Variants in MKNK1 observed in about 807,000 individuals in gnomAD.
MKNK1 encodes MAP kinase-interacting serine/threonine-protein kinase 1.
In MKNK1, 30 loss-of-function variants were observed where a neutral mutation model predicts 49.3. The ratio of observed to expected loss-of-function variants is 0.61; its 90% CI spans 0.46 to 0.83. MKNK1 has a LOEUF of 0.83. Among genes scored for constraint, MKNK1 ranks in the 40% least tolerant of loss-of-function variants. The probability of loss-of-function intolerance (pLI) is 0.00; values close to 1 mark genes in which losing one functional copy is unlikely to be tolerated. For synonymous variants in MKNK1, 176 were observed against 201.7 expected, an observed-to-expected ratio of 0.87 and a Z score of 1.08; for missense variants, 423 against 524.7, an observed-to-expected ratio of 0.81 and a Z score of 1.89.
intron 2 of MKNK1, among the ~76,000 whole-genome samples, chr1:46,587,264 G>T (rs534390366): frequency 6.6e-6 from 1 of 152,314 alleles, no homozygotes; most frequent in South Asian, 2.1e-4. Flanking sequence ...TCCAGCCCTT[G>T]CCTTCCTCTT....
intron 3 of MKNK1, among the ~76,000 whole-genome samples, chr1:46,582,323 C>A (rs771165911): frequency 6.6e-6 from 1 of 152,186 alleles, no homozygotes; most frequent in South Asian, 2.1e-4. Context: ...GCAGATGGCA[C>A]ACTGTTATTC....
chr1:46,568,370 A>C (rs1209240841), intron 8 of MKNK1, 73 bp downstream of exon 8: 1 of 1,460,080 alleles, frequency 6.8e-7, no homozygotes, highest in African/African-American at 1.4e-5. Flanking sequence ...AACTGCTAAC[A>C]ATCCATCCTG....
intron 1 of MKNK1, among the ~76,000 whole-genome samples, chr1:46,598,210 T>G (rs1674318850): frequency 6.6e-6 from 1 of 152,206 alleles, no homozygotes; most frequent in Admixed American, 6.5e-5. Context: ...TATTGTACTT[T>G]TGGCAAGTGA....
intron 8 of MKNK1, among the ~76,000 whole-genome samples, chr1:46,567,745 G>A (rs974346005): frequency 6.6e-6 from 1 of 152,306 alleles, no homozygotes; most frequent in East Asian, 1.9e-4. Flanking sequence ...AACACCACCA[G>A]TGCCTAAATC....
At position 46,562,805 on chromosome 1, in the gene MKNK1, C is replaced by T; in HGVS notation, c.648G>A (p.Glu216=). ...AGAATGTGGCCTGGTCCGTGAAGACCTCCACTACCTCAGGGGCCATGTATT... is the reference window on the plus strand; with the variant it reads ...AGAATGTGGCCTGGTCCGTGAAGACTTCCACTACCTCAGGGGCCATGTATT... The part of the protein sequence containing the change: ...SAEYMAPEVV[E]VFTDQATFYD... The change falls in exon 10 of 13, where the codon GAG becomes GAA. Residue 216 remains glutamate, a synonymous_variant. Coordinates refer to ENST00000371945, the MANE Select transcript of MKNK1 (RefSeq NM_001135553.4). The T allele has an allele frequency of 6.2e-7, 1 of 1,612,908 alleles. No individual in the cohort carries two copies. The highest frequency in any genetic ancestry group is 1.7e-5 in the Admixed American group (1 of 59,832).
Position 46,558,768 on chromosome 1 carries a change from G to A in MKNK1, c.1046C>T (p.Ala349Val). ...GCGGTTAAGGGCGATGGCCTCAGCT[G>A]CGAAGAGCGTCAGGTCCATTGTGCT... ...NSSTMDLTLF[A>V]AEAIALNRQL... Residue 349 changes from alanine (A) to valine (V), a missense_variant, in exon 13 of 13, where the codon GCA (alanine) becomes GTA (valine). By Grantham distance (64) the Ala-to-Val change is moderately conservative. Transcript: ENST00000371945. The A allele has an allele frequency of 6.2e-7, 1 of 1,614,144 alleles. No homozygotes were observed. Among genetic ancestry groups the A allele is most frequent in the Non-Finnish European group, 8.5e-7 (1 of 1,180,014 alleles).
At chr1:46,576,743 ACT>A in intron 4 of MKNK1, 89 bp from the exon 5 acceptor site, 2 of 1,078,838 alleles carry the variant, frequency 1.9e-6, no homozygotes, top group South Asian at 2.5e-5. Flanking sequence ...GCAAGGCCAC[ACT>A]CAGTCCAAAT....
chr1:46,563,169 AG>A (rs1668352389), intron 9 of MKNK1: 1 of 256,948 alleles, frequency 3.9e-6, no homozygotes, highest in Non-Finnish European at 7.3e-6. Flanking sequence ...TTTCATGTAC[AG>A]GTACTTAAAT....
At position 46,558,610 on chromosome 1, in the gene MKNK1, G is replaced by A. The variant is rs755714019; in HGVS notation, c.1204C>T (p.Arg402Cys). 4.3e-6 allele frequency: 7 copies of A among 1,613,566 alleles called. No individual in the cohort carries two copies. The highest frequency in any genetic ancestry group is 1.7e-4 in the Middle Eastern group (1 of 6,052). ...ARRRALAQAG[R>C]GEDRSPPTAL is the part of the protein sequence containing the mutation. ...GTGGGCGGGCTCCTGTCTTCACCAC[G>A]GCCTGCCTGGGCCAGGGCCCGTCTC... The change falls in exon 13 of 13, where the codon CGT (arginine) becomes TGT (cysteine). Residue 402 changes from arginine (R) to cysteine (C), a missense_variant. Arg to Cys is a radical substitution (Grantham distance 180). Coordinates refer to ENST00000371945, the MANE Select transcript of MKNK1 (RefSeq NM_001135553.4).
chr1:46,601,612 G>A (rs886803076), intron 1 of MKNK1, among the ~76,000 whole-genome samples: 1 of 152,226 alleles, frequency 6.6e-6, no homozygotes, highest in Non-Finnish European at 1.5e-5. Flanking sequence ...TGCTTGTGCA[G>A]AATTCTTGTA....
intron 7 of MKNK1, chr1:46,571,673 A>G: frequency 2.9e-6 from 1 of 342,370 alleles, no homozygotes; most frequent in Non-Finnish European, 5.7e-6. Flanking sequence ...GACTAGAAGG[A>G]ATAACATCAA....
Position 46,557,954 on chromosome 1 carries a change from G to A in MKNK1, c.*621C>T, listed in dbSNP as rs1402179658. ...CACAAACAAAGGGGATGATAAACGA[G>A]GGATACATTTCAGTCACAGCAAAGA... On this transcript the variant is annotated 3_prime_UTR_variant, in exon 13 of 13. Coordinates refer to ENST00000371945, the MANE Select transcript of MKNK1 (RefSeq NM_001135553.4). 6.6e-6 allele frequency: 1 copy of A among 152,570 alleles called. No individual in the cohort carries two copies. Among genetic ancestry groups the A allele is most frequent in the East Asian group, 1.9e-4 (1 of 5,204 alleles). 9.5% of individuals were successfully genotyped at this position (152,570 alleles called of 1,614,324 possible).
chr1:46,582,220 C>T (rs1019062487), intron 3 of MKNK1, among the ~76,000 whole-genome samples: 6 of 152,276 alleles, frequency 3.9e-5, no homozygotes, highest in East Asian at 1.9e-4. Context: ...CAGACACACA[C>T]CCCTGCTGTT....
intron 7 of MKNK1, chr1:46,570,258 C>T (rs1031445987): frequency 2.6e-5 from 4 of 152,218 alleles, no homozygotes; most frequent in African/African-American, 9.7e-5. Flanking sequence ...CCACCCCCTC[C>T]AAGGTGTGGA....
chr1:46,572,052 G>C lies in MKNK1; in HGVS notation c.457+11C>G. On this transcript the variant is annotated intron_variant, in intron 7 of 12. Transcript: ENST00000371945. Reference sequence around the variant, plus strand: ...GCCCAACCCACCCACCAAGGCAAAGGCTGGGTTCACCTTTGGTATGCAGGA... The same window carrying C: ...GCCCAACCCACCCACCAAGGCAAAGCCTGGGTTCACCTTTGGTATGCAGGA... 6.8e-6 allele frequency: 11 copies of C among 1,613,312 alleles called. No individual in the cohort carries two copies. Among genetic ancestry groups the C allele is most frequent in the Non-Finnish European group, 9.3e-6 (11 of 1,179,358 alleles).
At position 46,558,742 on chromosome 1, in the gene MKNK1, G is replaced by T. The variant is rs746020815; in HGVS notation, c.1072C>A (p.Gln358Lys). The T allele has an allele frequency of 1.2e-6, 2 of 1,614,240 alleles. No homozygotes were observed. The highest frequency in any genetic ancestry group is 2.2e-5 in the East Asian group (1 of 44,892). The part of the protein sequence containing the change: ...FAAEAIALNR[Q>K]LSQHEENELA... ...TCGTTCTCTTCGTGCTGAGATAGCT[G>T]GCGGTTAAGGGCGATGGCCTCAGCT... The change falls in exon 13 of 13, where the codon CAG becomes AAG. Residue 358 changes from glutamine to lysine, a missense_variant. By Grantham distance (53) the Gln-to-Lys change is moderately conservative (BLOSUM62 1). Transcript: ENST00000371945.
chr1:46,559,323 C>T (rs1667518007), intron 12 of MKNK1, among the ~76,000 whole-genome samples: 1 of 152,222 alleles, frequency 6.6e-6, no homozygotes, highest in African/African-American at 2.4e-5. Flanking sequence ...GGTAGGAACC[C>T]AAATTGGGCA....
chr1:46,576,467 G>A, intron 5 of MKNK1, 108 bp downstream of exon 5: 1 of 894,232 alleles, frequency 1.1e-6, no homozygotes, highest in Non-Finnish European at 1.8e-6. Context: ...GCCTTGTGGG[G>A]ACAGGAGTGA....
chr1:46,582,635 A>T (rs1275318773), intron 3 of MKNK1, among the ~76,000 whole-genome samples: 1 of 152,250 alleles, frequency 6.6e-6, no homozygotes, highest in African/African-American at 2.4e-5. Context: ...CAATCACCCC[A>T]TCACATGCCC....
Sources: allele counts gnomAD v4.1 joint callset (sites outside exome capture counted in the v4.1 genomes callset), GRCh38; gene constraint gnomAD v4.1.1; transcripts MANE v1.5; gene names NCBI Gene and HGNC (gene_info 2026-07-23, HGNC 2026-07-21).